TLN1: variants seen among roughly 807,000 people sequenced by gnomAD.
TLN1 encodes talin-1.
In TLN1, 56 loss-of-function variants were observed where a neutral mutation model predicts 292.3. The ratio of observed to expected loss-of-function variants is 0.19; its 90% confidence interval spans 0.15 to 0.24. The LOEUF is 0.24. TLN1 is among the 10% of genes least tolerant of loss of function. The pLI is 1.00. For missense variants in TLN1, 2,433 were observed against 3,248.2 expected, an observed-to-expected ratio of 0.75 and a Z score of 6.10; for synonymous variants, 1,119 against 1,253.7, an observed-to-expected ratio of 0.89 and a Z score of 2.27.
chr9:35,714,969 T>C lies in TLN1; in HGVS notation c.2754+90A>G. On this transcript the variant is annotated intron_variant, in intron 21 of 56. Transcript: ENST00000314888. This position sits in a 1 kb window ranked among gnomAD's most constrained non-coding sequence, Gnocchi z 4.6. ...TTGCCCAGGTTATGCCTCAAGGACG[T>C]ATTAACTTACTCTCCGCACCTCCCT... The C allele has an allele frequency of 5.0e-6, 8 of 1,610,488 alleles. No individual in the cohort carries two copies. Among genetic ancestry groups the C allele is most frequent in the Non-Finnish European group, 6.8e-6 (8 of 1,179,500 alleles).
rs1420593129 is a variant in TLN1 at position 35,704,666 on chromosome 9, C to A, written c.5880+3G>T. On this transcript the variant is annotated splice_donor_region_variant and intron_variant, in intron 44 of 56. Transcript: ENST00000314888. This position sits in a 1 kb window ranked among gnomAD's most constrained non-coding sequence, Gnocchi z 6.9. ...CACCATCTGCAGGGATGAGCACCGT[C>A]ACCTTCTCAGAGACTCTCCGGGCAC... is the stretch of plus-strand genomic sequence containing the variant. 6.2e-7 allele frequency: 1 copy of A among 1,613,920 alleles called. No homozygotes were observed. Among genetic ancestry groups the A allele is most frequent in the East Asian group, 2.2e-5 (1 of 44,870 alleles).
chr9:35,719,204 CG>C lies in TLN1; in HGVS notation c.1765del (p.Arg589ValfsTer3). On this transcript the variant is annotated frameshift_variant, in exon 16 of 57. Coordinates refer to ENST00000314888, the MANE Select transcript of TLN1 (RefSeq NM_006289.4). LOFTEE classifies it high-confidence loss of function. The surrounding 1 kb of genome is among the most constrained non-coding windows in gnomAD (Gnocchi z 4.6). The stretch of plus-strand genomic sequence containing the variant: ...CAAGGCAGCCAGCAGCTTCACCCCA[CG>C]GGACATCTCCGTCAGGTTGGAGGAG... ...TISSNLTEMS[R>X]GVKLLAALLE... 1 of 1,614,216 alleles carries C rather than the reference CG, an allele frequency of 6.2e-7. No homozygotes were observed. The highest frequency in any genetic ancestry group is 8.5e-7 in the Non-Finnish European group (1 of 1,180,026).
rs554877602 is a variant in TLN1 at position 35,707,167 on chromosome 9, G to A, written c.4860C>T (p.Leu1620=). ...TCGGGGGGTCCCGGGGATTGACTGC[G>A]AGGGCCCGGGCTGTCTGGATGAGTC... ...AGGLIQTARA[L]AVNPRDPPSW... The change falls in exon 37 of 57, where the codon CTC becomes CTT. Residue 1620 remains leucine (L), a synonymous_variant. Transcript: ENST00000314888. This position sits in a 1 kb window ranked among gnomAD's most constrained non-coding sequence, Gnocchi z 5.6. The A allele has an allele frequency of 2.5e-5, 40 of 1,610,338 alleles. No homozygotes were observed. The African/African-American group carries it at 2.5e-4, about 10-fold the overall frequency.
chr9:35,710,807 T>G lies in TLN1; in HGVS notation c.4193A>C (p.Glu1398Ala). Residue 1398 changes from glutamate to alanine, a missense_variant, in exon 32 of 57, where the codon GAG (glutamate) becomes GCG (alanine). By Grantham distance (107) the Glu-to-Ala change is moderately radical. Around this residue, in one of 7 missense-constraint regions of TLN1, gnomAD observed 1,384 missense variants for 1,699.6 expected, o/e 0.81. Coordinates refer to ENST00000314888, the MANE Select transcript of TLN1 (RefSeq NM_006289.4). ...CCTGGCTGTGCTGACCTTTGAGTTC[T>G]CCATTACACTGTCCAGGCAACCAAA... ...SYFGCLDSVM[E>A]NSKVLGEAMT... 1.2e-6 allele frequency: 2 copies of G among 1,614,244 alleles called. No homozygotes were observed. Among genetic ancestry groups the G allele is most frequent in the Non-Finnish European group, 1.7e-6 (2 of 1,180,030 alleles).
Position 35,697,745 on chromosome 9 carries a change from A to T in TLN1, c.*46T>A. The T allele has an allele frequency of 6.2e-7, 1 of 1,606,732 alleles. No individual in the cohort carries two copies. Among genetic ancestry groups the T allele is most frequent in the Non-Finnish European group, 8.5e-7 (1 of 1,175,852 alleles). ...CAGCCCAGAAGGCTTTGGTAGTGGC[A>T]CGCACAGTCTCTGGGCCGGGTCTGC... On this transcript the variant is annotated 3_prime_UTR_variant, in exon 57 of 57. Transcript: ENST00000314888.
chr9:35,713,691 A>G (rs1825718685), intron 25 of TLN1, among the ~76,000 whole-genome samples: 1 of 152,060 alleles, frequency 6.6e-6, no homozygotes, highest in South Asian at 2.1e-4. Context: ...CAAGAAAGAA[A>G]AAGAAATAAA....
intron 26 of TLN1, 73 bp downstream of exon 26, chr9:35,713,123 C>T (rs1455518230): frequency 6.4e-7 from 1 of 1,571,684 alleles, no homozygotes; most frequent in South Asian, 1.1e-5. Context: ...TCTGTCAGTC[C>T]CATCCCTCAT....
At chr9:35,723,121 G>A (rs1211267503) in intron 7 of TLN1, 200 bp from the exon 8 acceptor site, 1 of 445,544 alleles carries the variant, frequency 2.2e-6, no homozygotes, top group Non-Finnish European at 4.1e-6. Flanking sequence ...TTTTTTTTGA[G>A]ATGGAGTTTC....
intron 7 of TLN1, 90 bp from the exon 8 acceptor site, chr9:35,723,011 A>C: frequency 9.2e-7 from 1 of 1,091,344 alleles, no homozygotes; most frequent in South Asian, 1.3e-5. Flanking sequence ...ATGAGGAAAT[A>C]CCTAGGACAG....
intron 7 of TLN1, 43 bp downstream of exon 7, chr9:35,723,909 G>T: frequency 6.2e-7 from 1 of 1,606,656 alleles, no homozygotes; most frequent in East Asian, 2.2e-5. Context: ...ACAATGGCAG[G>T]GAGTCCTGGG....
chr9:35,711,981 C>T (rs1196100764), intron 28 of TLN1, 24 bp downstream of exon 28: 1 of 1,611,728 alleles, frequency 6.2e-7, no homozygotes, highest in South Asian at 1.1e-5. Context: ...TCCTACGTTC[C>T]CCCACCCCCT....
Position 35,699,045 on chromosome 9 carries a change from C to T in TLN1, c.6986G>A (p.Arg2329Gln), listed in dbSNP as rs768328246. The change falls in exon 52 of 57, where the codon CGG becomes CAG. Residue 2329 changes from arginine (R) to glutamine (Q), a missense_variant. Physicochemically the swap from Arg to Gln is conservative, Grantham distance 43. Around this residue, in one of 7 missense-constraint regions of TLN1, gnomAD observed 1,384 missense variants for 1,699.6 expected, o/e 0.81. Transcript: ENST00000314888. This position sits in a 1 kb window ranked among gnomAD's most constrained non-coding sequence, Gnocchi z 4.0. ...AGCAGGACTGACCTTGGGTTTGGCC[C>T]GGGGCTTCAGCTGCTCTAGCTTTTT... is the stretch of plus-strand genomic sequence containing the variant. Reference protein sequence around the residue: ...AAKKLEQLKPRAKPKEADESL... With the variant: ...AAKKLEQLKPQAKPKEADESL... 6.2e-6 allele frequency: 10 copies of T among 1,612,938 alleles called. No individual in the cohort carries two copies. In the African/African-American group the frequency reaches 6.7e-5, roughly 11 times the overall value.
intron 27 of TLN1, among the ~76,000 whole-genome samples, chr9:35,712,597 G>A (rs1213723433): frequency 2.1e-5 from 3 of 141,448 alleles, no homozygotes; most frequent in Non-Finnish European, 4.5e-5. Flanking sequence ...GCACTGAGCC[G>A]AAATTGCGCC....
rs750787597 is a variant in TLN1 at position 35,714,320 on chromosome 9, G to A, written c.3039C>T (p.Asp1013=). Residue 1013 remains aspartate, a synonymous_variant, in exon 24 of 57, where the codon GAC becomes GAT. Coordinates refer to ENST00000314888, the MANE Select transcript of TLN1 (RefSeq NM_006289.4). The surrounding 1 kb of genome is among the most constrained non-coding windows in gnomAD (Gnocchi z 4.6). ...AAKASVPTIQ[D]QASAMQLSQC... is the part of the protein sequence containing the mutation. ...GACTCAGCTGCATGGCTGAAGCCTG[G>A]TCCTGAATCGTTGGCACTGAGGCCT... The A allele has an allele frequency of 3.1e-6, 5 of 1,613,902 alleles. No homozygotes were observed. The Admixed American group carries it at 8.3e-5, about 27-fold the overall frequency.
chr9:35,724,992 C>T lies in TLN1; in HGVS notation c.229-33G>A, dbSNP rs1161489821. Reference sequence around the variant, plus strand: ...GGCAGGAAGAAGAGACAGGGGCCTACTCTGAGCTAGGGGTATTATTTCCTC... The same window carrying T: ...GGCAGGAAGAAGAGACAGGGGCCTATTCTGAGCTAGGGGTATTATTTCCTC... On this transcript the variant is annotated intron_variant, in intron 3 of 56. Coordinates refer to ENST00000314888, the MANE Select transcript of TLN1 (RefSeq NM_006289.4). This position sits in a 1 kb window ranked among gnomAD's most constrained non-coding sequence, Gnocchi z 4.7. The T allele has an allele frequency of 1.7e-5, 27 of 1,613,306 alleles. No individual in the cohort carries two copies. The highest frequency in any genetic ancestry group is 1.7e-4 in the Admixed American group (10 of 59,974).
chr9:35,718,733 C>T lies in TLN1; in HGVS notation c.1995+79G>A. On this transcript the variant is annotated intron_variant, in intron 17 of 56. Transcript: ENST00000314888. ...GTTTTTAGGGGTCAATTCACAGAAG[C>T]CAGGACTAGGAACTGGATTCACGAG... 4 of 1,287,766 alleles carry T rather than the reference C, an allele frequency of 3.1e-6. No homozygotes were observed. In the Admixed American group the frequency reaches 7.7e-5, roughly 25 times the overall value. 79.8% of individuals were successfully genotyped at this position (1,287,766 alleles called of 1,614,324 possible). A position where few individuals can be genotyped will look rare whatever the true frequency, so the allele number is the denominator to read the frequency against.
In TLN1 at chr9:35,704,055, G is replaced by C; in HGVS notation, c.6167C>G (p.Thr2056Ser). 6.2e-7 allele frequency: 1 copy of C among 1,613,894 alleles called. No individual in the cohort carries two copies. The highest frequency in any genetic ancestry group is 8.5e-7 in the Non-Finnish European group (1 of 1,179,940). ...QAAQSSVATI[T>S]RLADVVKLGA... The stretch of plus-strand genomic sequence containing the variant: ...CAGCTTGACCACATCAGCGAGGCGG[G>C]TGATGGTCGCCACGGAGGACTGGGC... Residue 2056 changes from threonine (T) to serine (S), a missense_variant, in exon 46 of 57, where the codon ACC becomes AGC. By Grantham distance (58) the Thr-to-Ser change is moderately conservative (BLOSUM62 1). Transcript: ENST00000314888. The surrounding 1 kb of genome is among the most constrained non-coding windows in gnomAD (Gnocchi z 6.9).
rs1481105539 is a variant in TLN1, at chr9:35,709,325, A to G, written c.4327-841T>C. On this transcript the variant is annotated intron_variant, in intron 33 of 56. Transcript: ENST00000314888. ...CAAACAAACAAAAAACCAAAAAAAC[A>G]AAAAAACAAAATCAAACAAGCCATC... Among the ~76,000 whole-genome samples, 3 of 152,236 alleles carry G rather than the reference A, an allele frequency of 2.0e-5. No homozygotes were observed. In the East Asian group the frequency reaches 5.8e-4, roughly 29 times the overall value.
At position 35,706,154 on chromosome 9, in the gene TLN1, G is replaced by T; in HGVS notation, c.5361+42C>A. On this transcript the variant is annotated intron_variant, in intron 40 of 56. Coordinates refer to ENST00000314888, the MANE Select transcript of TLN1 (RefSeq NM_006289.4). The surrounding 1 kb of genome is among the most constrained non-coding windows in gnomAD (Gnocchi z 4.2). ...GAGCTCTGTTGTTCCTGTTTCTCCA[G>T]CCTCCTGCTAGTAACAGCTCCTCCC... The T allele has an allele frequency of 6.2e-7, 1 of 1,612,298 alleles. No homozygotes were observed. Among genetic ancestry groups the T allele is most frequent in the Non-Finnish European group, 8.5e-7 (1 of 1,178,896 alleles).
Sources: allele counts gnomAD v4.1 joint callset (sites outside exome capture counted in the v4.1 genomes callset), GRCh38; gene constraint gnomAD v4.1.1; regional missense constraint gnomAD v4.1.1; non-coding constraint Gnocchi (gnomAD v3.1); transcripts MANE v1.5; gene names NCBI Gene and HGNC (gene_info 2026-07-23, HGNC 2026-07-21).